SLC23A2: variants seen among roughly 807,000 people sequenced by gnomAD.
The protein encoded by SLC23A2 is Na(+)/L-ascorbic acid transporter 2.
Under a neutral mutation model 73.3 loss-of-function variants are expected in SLC23A2, and 36 were observed. That is an observed-to-expected ratio of 0.49 (90% CI 0.38 to 0.65). The LOEUF is 0.65. SLC23A2 is among the 30% of genes least tolerant of loss of function. SLC23A2 has a pLI of 0.00. For missense variants in SLC23A2, 507 were observed against 841.6 expected, an observed-to-expected ratio of 0.60 and a Z score of 4.92; for synonymous variants, 343 against 327.3, an observed-to-expected ratio of 1.05 and a Z score of -0.52.
chr20:4,983,912 C>T (rs988109510), intron 1 of SLC23A2, among the ~76,000 whole-genome samples: 2 of 150,994 alleles, frequency 1.3e-5, no homozygotes, highest in East Asian at 1.9e-4. Flanking sequence ...GCCAAGATCG[C>T]GCCATTGCAC....
intron 1 of SLC23A2, among the ~76,000 whole-genome samples, chr20:4,982,068 C>T (rs965262926): frequency 1.3e-5 from 2 of 151,438 alleles, no homozygotes; most frequent in African/African-American, 4.9e-5. Flanking sequence ...GATCTTGGCT[C>T]AATGCAACCT....
At chr20:4,963,524 T>C (rs1196917550) in intron 2 of SLC23A2, among the ~76,000 whole-genome samples, 1 of 146,688 alleles carries the variant, frequency 6.8e-6, no homozygotes, top group Non-Finnish European at 1.5e-5. Context: ...AATATGACCA[T>C]ATGTAAGCTT....
At chr20:4,953,335 A>G (rs1019704055) in intron 2 of SLC23A2, among the ~76,000 whole-genome samples, 1 of 151,926 alleles carries the variant, frequency 6.6e-6, no homozygotes, top group Admixed American at 6.6e-5. Context: ...TAAATTAAAT[A>G]AAAAAAGAAA....
intron 1 of SLC23A2, among the ~76,000 whole-genome samples, chr20:4,988,384 C>A (rs1029204791): frequency 6.6e-6 from 1 of 152,034 alleles, no homozygotes; most frequent in South Asian, 2.1e-4. Context: ...GGGCCAATCA[C>A]CTGAGGTCAG....
intron 2 of SLC23A2, among the ~76,000 whole-genome samples, chr20:4,950,198 AC>A (rs1431759480): frequency 3.3e-5 from 5 of 152,208 alleles, no homozygotes; most frequent in Non-Finnish European, 7.4e-5. Context: ...TACGTCTCAA[AC>A]CTGCACTAAG....
At chr20:4,870,074 T>A in intron 11 of SLC23A2, 21 bp from the exon 12 acceptor site, 1 of 1,578,628 alleles carries the variant, frequency 6.3e-7, no homozygotes, top group Non-Finnish European at 8.6e-7. Context: ...AAAACAACCA[T>A]GAATGCTCCT....
chr20:4,967,001 TAA>T (rs1459023852), intron 2 of SLC23A2, among the ~76,000 whole-genome samples: 1 of 151,860 alleles, frequency 6.6e-6, no homozygotes, highest in Non-Finnish European at 1.5e-5. Context: ...GAAGCAGATA[TAA>T]AAGAGACCAA....
intron 9 of SLC23A2, among the ~76,000 whole-genome samples, chr20:4,876,991 G>C (rs1421819897): frequency 6.6e-6 from 1 of 151,592 alleles, no homozygotes; most frequent in African/African-American, 2.4e-5. Context: ...CTTAGTGACT[G>C]CTTAGCATTC....
At chr20:4,985,012 C>T (rs954724808) in intron 1 of SLC23A2, among the ~76,000 whole-genome samples, 7 of 151,946 alleles carry the variant, frequency 4.6e-5, no homozygotes, top group Non-Finnish European at 2.9e-5. Context: ...TGGCACGTGC[C>T]TGTAGTTCCG....
At chr20:5,003,227 CA>C (rs558856610), upstream of SLC23A2, among the ~76,000 whole-genome samples, 4 of 151,774 alleles carry the variant, frequency 2.6e-5, no homozygotes, top group Admixed American at 2.6e-4. Flanking sequence ...ACTAAAAATA[CA>C]AAAAAATTAG....
chr20:4,960,941 A>G (rs1185335369), intron 2 of SLC23A2, among the ~76,000 whole-genome samples: 1 of 152,156 alleles, frequency 6.6e-6, no homozygotes, highest in Non-Finnish European at 1.5e-5. Context: ...ACCAAAGACT[A>G]TCTATCTTTA....
At chr20:4,936,984 C>T (rs980280664) in intron 2 of SLC23A2, among the ~76,000 whole-genome samples, 25 of 152,254 alleles carry the variant, frequency 1.6e-4, no homozygotes, top group African/African-American at 4.8e-4. Context: ...GAGCACCTTT[C>T]ATCAGGGACA....
chr20:4,870,132 G>A (rs1250989388), intron 11 of SLC23A2, 79 bp from the exon 12 acceptor site: 1 of 1,220,056 alleles, frequency 8.2e-7, no homozygotes, highest in Non-Finnish European at 1.2e-6. Context: ...AAGTCATTCT[G>A]AACGCTGCAA....
chr20:4,935,518 G>C (rs964745306), intron 2 of SLC23A2, among the ~76,000 whole-genome samples: 6 of 152,166 alleles, frequency 3.9e-5, no homozygotes, highest in Non-Finnish European at 7.3e-5. Context: ...ATCTGTGCAG[G>C]CCGGGCGCAG....
intron 2 of SLC23A2, among the ~76,000 whole-genome samples, chr20:4,969,210 C>T (rs970713949): frequency 1.3e-5 from 2 of 152,066 alleles, no homozygotes; most frequent in Middle Eastern, 3.4e-3. Context: ...ACCTCAGCCT[C>T]CCGAATAGCT....
intron 2 of SLC23A2, among the ~76,000 whole-genome samples, chr20:4,943,674 C>CAA (rs552051541): frequency 1.4e-4 from 11 of 78,870 alleles, no homozygotes; most frequent in African/African-American, 3.2e-4. Flanking sequence ...GACTCTGTCT[C>CAA]AAAAAAAAAA....
At chr20:4,866,793 C>A (rs1930217030) in intron 13 of SLC23A2, among the ~76,000 whole-genome samples, 1 of 152,176 alleles carries the variant, frequency 6.6e-6, no homozygotes, top group Non-Finnish European at 1.5e-5. Flanking sequence ...TTGAAATCCA[C>A]TCCTCCCTCC....
intron 9 of SLC23A2, among the ~76,000 whole-genome samples, chr20:4,879,361 T>C (rs975464619): frequency 7.6e-6 from 1 of 131,038 alleles, no homozygotes; most frequent in Non-Finnish European, 1.5e-5. Flanking sequence ...GTAAGCGAGA[T>C]TGCCCCACTG....
At chr20:4,988,562 C>T (rs146832922) in intron 1 of SLC23A2, among the ~76,000 whole-genome samples, 1 of 151,378 alleles carries the variant, frequency 6.6e-6, no homozygotes, top group Admixed American at 6.6e-5. Context: ...ATAGTGAAAC[C>T]CTGTCTCTAT....
Sources: gnomAD v4.1 joint callset for allele counts (sites outside exome capture counted in the v4.1 genomes callset) on GRCh38, gnomAD v4.1.1 for gene constraint, MANE v1.5 for transcripts, NCBI Gene and HGNC (gene_info 2026-07-23, HGNC 2026-07-21) for gene names.